The following MCTP1 variants were observed in gnomAD, a reference collection of about 807,000 sequenced individuals.
MCTP1 encodes the protein multiple C2 and transmembrane domain-containing protein 1.
A neutral mutation model predicts 120.6 loss-of-function variants in MCTP1; 69 were observed. That is an observed-to-expected ratio of 0.57 (90% CI 0.47 to 0.70). The LOEUF (loss-of-function observed/expected upper bound fraction) is 0.70, where lower values mean the gene tolerates loss of function less well. MCTP1 is among the 30% of genes least tolerant of loss of function. MCTP1 has a pLI of 0.00. For missense variants in MCTP1, 1,203 were observed against 1,248.8 expected, an observed-to-expected ratio of 0.96 and a Z score of 0.55; for synonymous variants, 529 against 493.1, an observed-to-expected ratio of 1.07 and a Z score of -0.96.
At chr5:94,842,778 C>T (rs1791429297) in intron 17 of MCTP1, among the ~76,000 whole-genome samples, 1 of 152,014 alleles carries the variant, frequency 6.6e-6, no homozygotes, top group South Asian at 2.1e-4. Flanking sequence ...ATTACTGAAA[C>T]ATGATAGAAA....
At chr5:95,202,868 C>A (rs1192088937) in intron 1 of MCTP1, among the ~76,000 whole-genome samples, 1 of 152,116 alleles carries the variant, frequency 6.6e-6, no homozygotes, top group South Asian at 2.1e-4. Context: ...GCTGGGACTA[C>A]AGGTGAGTGC....
intron 1 of MCTP1, among the ~76,000 whole-genome samples, chr5:95,166,504 TA>T (rs1424786085): frequency 1.3e-5 from 2 of 152,100 alleles, no homozygotes; most frequent in Admixed American, 1.3e-4. Flanking sequence ...ACTTTTTTTC[TA>T]CTTGAAATTG....
intron 1 of MCTP1, among the ~76,000 whole-genome samples, chr5:95,198,497 C>T (rs1473626274): frequency 6.6e-6 from 1 of 152,082 alleles, no homozygotes; most frequent in Non-Finnish European, 1.5e-5. Context: ...CAATTGTAGA[C>T]TAATGTAATG....
intron 17 of MCTP1, among the ~76,000 whole-genome samples, chr5:94,804,816 T>C (rs1182611513): frequency 6.6e-6 from 1 of 152,220 alleles, no homozygotes; most frequent in Non-Finnish European, 1.5e-5. Flanking sequence ...TGATCATTGC[T>C]CTTTGAGCAG....
At chr5:94,756,140 T>C (rs1769793087) in intron 19 of MCTP1, among the ~76,000 whole-genome samples, 1 of 152,192 alleles carries the variant, frequency 6.6e-6, no homozygotes, top group Non-Finnish European at 1.5e-5. Flanking sequence ...TCACTAAATA[T>C]ACAGTCATTT....
At chr5:94,797,438 A>T (rs1780335276) in intron 18 of MCTP1, among the ~76,000 whole-genome samples, 1 of 152,326 alleles carries the variant, frequency 6.6e-6, no homozygotes, top group South Asian at 2.1e-4. Context: ...GGGACAAAAA[A>T]GCAATTGTCT....
intron 10 of MCTP1, among the ~76,000 whole-genome samples, chr5:94,908,127 G>C (rs551192693): frequency 3.3e-5 from 5 of 151,976 alleles, no homozygotes; most frequent in Non-Finnish European, 7.4e-5. Flanking sequence ...AACAGATGTG[G>C]TATATCCCAA....
At chr5:94,723,767 A>AT in intron 19 of MCTP1, among the ~76,000 whole-genome samples, 1 of 152,268 alleles carries the variant, frequency 6.6e-6, no homozygotes, top group Non-Finnish European at 1.5e-5. Flanking sequence ...TGTAAAAAGA[A>AT]TTTGGAGAGA....
chr5:94,875,740 A>T (rs1442928743), intron 12 of MCTP1, among the ~76,000 whole-genome samples: 1 of 151,738 alleles, frequency 6.6e-6, no homozygotes, highest in East Asian at 1.9e-4. Flanking sequence ...GAGCTTAGCC[A>T]AGTCAGTTCT....
chr5:95,123,902 G>A (rs912799039), intron 1 of MCTP1, among the ~76,000 whole-genome samples: 3 of 152,204 alleles, frequency 2.0e-5, no homozygotes, highest in East Asian at 1.9e-4. Flanking sequence ...GCCCGCCTCG[G>A]CCTCTCAAAG....
intron 2 of MCTP1, among the ~76,000 whole-genome samples, chr5:95,006,293 G>GTGTATATATA (rs1013905155): frequency 6.6e-6 from 1 of 151,184 alleles, no homozygotes; most frequent in Non-Finnish European, 1.5e-5. Flanking sequence ...ATATATGTAT[G>GTGTATATATA]TGTATATATA....
intron 2 of MCTP1, among the ~76,000 whole-genome samples, chr5:94,999,827 G>A (rs1833321138): frequency 1.3e-5 from 2 of 152,220 alleles, no homozygotes; most frequent in South Asian, 4.2e-4. Flanking sequence ...TCACCTCCTG[G>A]TAAATTTGGG....
intron 1 of MCTP1, chr5:95,081,949 A>C (rs1754997457): frequency 1.9e-6 from 1 of 525,912 alleles, no homozygotes; most frequent in Non-Finnish European, 2.4e-6. Context: ...GAATTAATTT[A>C]ATGTTATTAA....
intron 1 of MCTP1, among the ~76,000 whole-genome samples, chr5:95,145,209 G>A (rs765190681): frequency 6.6e-6 from 1 of 152,116 alleles, no homozygotes; most frequent in Non-Finnish European, 1.5e-5. Flanking sequence ...GATGTTATTG[G>A]TGTATAGAAA....
chr5:95,205,260 A>G (rs949037120), intron 1 of MCTP1, among the ~76,000 whole-genome samples: 2 of 152,144 alleles, frequency 1.3e-5, no homozygotes, highest in African/African-American at 4.8e-5. Context: ...CTTTCAACAT[A>G]TGGTTGGGAC....
rs565280708 is a variant in MCTP1 at position 95,194,128 on chromosome 5, A to C, written c.720+89728T>G. ...CTCCTCGGGAGGTTGAGGCAGGAGG[A>C]TAGCTTGAGCCCAGGAGTCTGAGCC... On this transcript the variant is annotated intron_variant, in intron 1 of 22. Transcript: ENST00000515393. 5.3e-5 allele frequency among the ~76,000 whole-genome samples: 8 copies of C among 152,256 alleles called. No individual in the cohort carries two copies. The South Asian group carries it at 8.3e-4, about 16-fold the overall frequency.
Position 94,953,194 on chromosome 5 carries a change from AGGAAAAAAC to A in MCTP1, c.981+16_981+24del, listed in dbSNP as rs1821071003. ...AGGGATTTCCACATCAGTTTCTATC[AGGAAAAAAC>A]AAATAAATGGCTCACCTTTATATAC... On this transcript the variant is annotated intron_variant, in intron 3 of 22. Coordinates refer to ENST00000515393, the MANE Select transcript of MCTP1 (RefSeq NM_024717.7). The A allele has an allele frequency of 6.4e-7, 1 of 1,564,292 alleles. No individual in the cohort carries two copies. Among genetic ancestry groups the A allele is most frequent in the South Asian group, 1.2e-5 (1 of 82,078 alleles).
chr5:94,805,166 T>C (rs1782029975), intron 17 of MCTP1, among the ~76,000 whole-genome samples: 1 of 152,238 alleles, frequency 6.6e-6, no homozygotes, highest in Non-Finnish European at 1.5e-5. Context: ...CATTTTTAAA[T>C]TCAAAAATCT....
chr5:94,803,314 T>G (rs1181678105), intron 17 of MCTP1, among the ~76,000 whole-genome samples: 2 of 152,226 alleles, frequency 1.3e-5, no homozygotes, highest in Non-Finnish European at 2.9e-5. Context: ...CTCATTATCC[T>G]GCATGTTAGA....
Sources: allele counts gnomAD v4.1 joint callset (sites outside exome capture counted in the v4.1 genomes callset), GRCh38; gene constraint gnomAD v4.1.1; transcripts MANE v1.5; gene names NCBI Gene and HGNC (gene_info 2026-07-23, HGNC 2026-07-21).